COL28A1: variants seen among roughly 807,000 people sequenced by gnomAD.
The protein encoded by COL28A1 is collagen type XXVIII alpha 1 chain.
Under a neutral mutation model 150.2 loss-of-function variants are expected in COL28A1, and 161 were observed. The ratio of observed to expected loss-of-function variants is 1.07; its 90% CI spans 0.94 to 1.22. COL28A1 has a LOEUF of 1.22. Ranked by LOEUF, COL28A1 falls within the 50% of genes most tolerant of loss-of-function variation. COL28A1 has a pLI of 0.00. For missense variants in COL28A1, 1,617 were observed against 1,388.3 expected (o/e 1.16, Z -2.62); for synonymous variants, 552 against 469.7 (o/e 1.18, Z -2.26).
At chr7:7,401,735 T>A (rs921239289) in intron 27 of COL28A1, among the ~76,000 whole-genome samples, 3 of 152,180 alleles carry the variant, frequency 2.0e-5, no homozygotes, top group African/African-American at 7.2e-5. Flanking sequence ...TTTGTCCCCT[T>A]ATAGCCCATT....
intron 27 of COL28A1, among the ~76,000 whole-genome samples, chr7:7,396,366 T>A (rs1373372506): frequency 6.6e-6 from 1 of 152,166 alleles, no homozygotes; most frequent in South Asian, 2.1e-4. Context: ...CACTAATACT[T>A]TCACTCAAAT....
chr7:7,408,130 C>G (rs772106377), intron 27 of COL28A1, among the ~76,000 whole-genome samples: 2 of 152,028 alleles, frequency 1.3e-5, no homozygotes, highest in South Asian at 2.1e-4. Context: ...TTTCTTAGAG[C>G]AGGGTAGGCA....
chr7:7,488,804 G>C (rs10486171), intron 13 of COL28A1, among the ~76,000 whole-genome samples: 15,301 of 152,138 alleles, frequency 0.1, 923 homozygotes, highest in Middle Eastern at 0.21. Context: ...CTTGAGTCCA[G>C]ATCTTCCTAG....
chr7:7,540,488 A>C (rs575945094), upstream of COL28A1, among the ~76,000 whole-genome samples: 1 of 152,336 alleles, frequency 6.6e-6, no homozygotes, highest in Non-Finnish European at 1.5e-5. Flanking sequence ...TTCACAGTTG[A>C]TAAAATAGAG....
rs35277875 is a variant in COL28A1, at chr7:7,373,705, CTT to C, written c.2360-161_2360-160del. Among the ~76,000 whole-genome samples the C allele has an allele frequency of 1.4e-5, 2 of 144,054 alleles. No homozygotes were observed. The highest frequency in any genetic ancestry group is 1.5e-5 in the Non-Finnish European group (1 of 66,616). 94.5% of individuals were successfully genotyped at this position (144,054 alleles called of 152,430 possible). ...CTGACAGCTGTCTCCATTCTGGTTTCTTTTTTTTTTTGTGAGACAGAGTCTCG... is the reference window on the plus strand; with the variant it reads ...CTGACAGCTGTCTCCATTCTGGTTTCTTTTTTTTTGTGAGACAGAGTCTCG... On this transcript the variant is annotated intron_variant, in intron 31 of 34. Coordinates refer to ENST00000399429, the MANE Select transcript of COL28A1 (RefSeq NM_001037763.3). This position sits in a 1 kb window ranked among gnomAD's most constrained non-coding sequence, Gnocchi z 4.1.
At chr7:7,519,081 C>A (rs1341281602) in intron 6 of COL28A1, among the ~76,000 whole-genome samples, 1 of 152,122 alleles carries the variant, frequency 6.6e-6, no homozygotes, top group Admixed American at 6.5e-5. Context: ...AACAAAGACA[C>A]ACCTGAGACT....
chr7:7,529,636 T>C (rs1782234446), intron 3 of COL28A1, among the ~76,000 whole-genome samples: 1 of 152,124 alleles, frequency 6.6e-6, no homozygotes, highest in Non-Finnish European at 1.5e-5. Flanking sequence ...CGAGGGTGTA[T>C]CTGGTGGGAA....
chr7:7,427,362 G>A (rs1784702802), intron 25 of COL28A1, among the ~76,000 whole-genome samples: 1 of 152,188 alleles, frequency 6.6e-6, no homozygotes. Context: ...ATATTATAGG[G>A]AGGTGGCTTT....
intron 7 of COL28A1, among the ~76,000 whole-genome samples, chr7:7,517,549 A>G (rs1166809376): frequency 6.6e-6 from 1 of 152,180 alleles, no homozygotes; most frequent in Non-Finnish European, 1.5e-5. Context: ...CCAATGTCAA[A>G]TTAAGCATCA....
chr7:7,472,058 C>T, intron 15 of COL28A1, among the ~76,000 whole-genome samples: 1 of 152,124 alleles, frequency 6.6e-6, no homozygotes, highest in Non-Finnish European at 1.5e-5. Flanking sequence ...AACCCATAGC[C>T]AACATAATAC....
chr7:7,371,833 A>AT (rs1562483134), intron 32 of COL28A1, among the ~76,000 whole-genome samples: 2 of 152,038 alleles, frequency 1.3e-5, no homozygotes, highest in South Asian at 4.1e-4. Flanking sequence ...AATTCTATTT[A>AT]TTTTTTATTT....
intron 33 of COL28A1, among the ~76,000 whole-genome samples, chr7:7,364,710 T>C (rs1780842669): frequency 6.6e-6 from 1 of 152,144 alleles, no homozygotes; most frequent in Non-Finnish European, 1.5e-5. Flanking sequence ...AACCCTAAGA[T>C]GGGTAGAGGA....
At chr7:7,352,652 T>C (rs144258332), downstream of COL28A1, among the ~76,000 whole-genome samples, 5 of 152,268 alleles carry the variant, frequency 3.3e-5, no homozygotes, top group East Asian at 9.6e-4. Flanking sequence ...GGAAATGAAT[T>C]ATCCCTCAGA....
chr7:7,384,312 T>C (rs1338867605), intron 27 of COL28A1, among the ~76,000 whole-genome samples: 1 of 152,218 alleles, frequency 6.6e-6, no homozygotes, highest in Non-Finnish European at 1.5e-5. Flanking sequence ...GAGTGCTTCC[T>C]CTGTTAGTTG....
chr7:7,374,024 T>TAAAAAAAAA (rs1188442971), intron 31 of COL28A1, among the ~76,000 whole-genome samples: 51 of 116,314 alleles, frequency 4.4e-4, no homozygotes, highest in African/African-American at 2.1e-3. Flanking sequence ...ACTTGACTCT[T>TAAAAAAAAA]AAAAAAAAAA....
the COL28A1 span, among the ~76,000 whole-genome samples, chr7:7,348,455 C>A: frequency 6.6e-6 from 1 of 151,374 alleles, no homozygotes; most frequent in Non-Finnish European, 1.5e-5. Flanking sequence ...CTGGTGAGTT[C>A]TAGCACACTC....
chr7:7,522,146 G>A (rs967194135), intron 4 of COL28A1, 185 bp from the exon 5 acceptor site: 2 of 654,444 alleles, frequency 3.1e-6, no homozygotes, highest in Non-Finnish European at 5.6e-6. Context: ...CACATTTATG[G>A]ATGTTTTGCT....
At chr7:7,410,917 T>G (rs570552097) in intron 27 of COL28A1, among the ~76,000 whole-genome samples, 1 of 152,330 alleles carries the variant, frequency 6.6e-6, no homozygotes, top group East Asian at 1.9e-4. Context: ...CTTAAGTTAG[T>G]TAAATTTCAA....
chr7:7,368,389 G>GTT (rs34289231), intron 33 of COL28A1, among the ~76,000 whole-genome samples: 100,515 of 150,092 alleles, frequency 0.67, 35,347 homozygotes, highest in East Asian at 0.87. Flanking sequence ...TTTGCCTACT[G>GTT]TTTTTTTTGT....
Sources: gnomAD v4.1 joint callset for allele counts (sites outside exome capture counted in the v4.1 genomes callset) on GRCh38, gnomAD v4.1.1 for gene constraint, Gnocchi (gnomAD v3.1) non-coding constraint, MANE v1.5 for transcripts, NCBI Gene and HGNC (gene_info 2026-07-23, HGNC 2026-07-21) for gene names.